CPSF2: variants seen among roughly 807,000 people sequenced by gnomAD.
CPSF2 encodes the protein cleavage and polyadenylation specific factor 2.
A neutral mutation model predicts 84.2 loss-of-function variants in CPSF2; 51 were observed. The ratio of observed to expected loss-of-function variants is 0.61; its 90% confidence interval spans 0.48 to 0.77. CPSF2 has a LOEUF of 0.77. Ranked by LOEUF, CPSF2 falls within the 30% of genes least tolerant of loss-of-function variation. The probability of loss-of-function intolerance (pLI) is 0.00; values close to 1 mark genes in which losing one functional copy is unlikely to be tolerated. For synonymous variants in CPSF2, 286 were observed against 311.9 expected (o/e 0.92, Z 0.87); for missense variants, 641 against 929.4 (o/e 0.69, Z 4.03).
At chr14:92,140,456 TGTA>T (rs1298762545) in intron 7 of CPSF2, among the ~76,000 whole-genome samples, 1 of 140,230 alleles carries the variant, frequency 7.1e-6, no homozygotes, top group Non-Finnish European at 1.5e-5. Flanking sequence ...TTTTTTGAGA[TGTA>T]GTCTCGCTCT....
Position 92,143,135 on chromosome 14 carries a change from T to TG in CPSF2, c.982dup (p.Ala328GlyfsTer5). 6.2e-7 allele frequency: 1 copy of TG among 1,614,168 alleles called. No individual in the cohort carries two copies. Among genetic ancestry groups the TG allele is most frequent in the South Asian group, 1.1e-5 (1 of 91,088 alleles). On this transcript the variant is annotated frameshift_variant, in exon 9 of 16. Coordinates refer to ENST00000298875, the MANE Select transcript of CPSF2 (RefSeq NM_017437.3). LOFTEE classifies it high-confidence loss of function. Reference sequence around the variant, plus strand: ...GTGTACCTAGCCCTAAAGTTGTACTTGCCAGCCAACCTGACCTGGAATGCG... The same window carrying TG: ...GTGTACCTAGCCCTAAAGTTGTACTTGGCCAGCCAACCTGACCTGGAATGCG...
rs2069302945 is a variant in CPSF2, at chr14:92,157,326, G to A, written c.1596-333G>A. On this transcript the variant is annotated intron_variant, in intron 12 of 15. Coordinates refer to ENST00000298875, the MANE Select transcript of CPSF2 (RefSeq NM_017437.3). This position sits in a 1 kb window ranked among gnomAD's most constrained non-coding sequence, Gnocchi z 4.0. ...AGTTTGAGACCAGCCTGGCCAACAT[G>A]GTGAAATCTCATCTCTACTGAAAAT... is the stretch of plus-strand genomic sequence containing the variant. Among the ~76,000 whole-genome samples the A allele has an allele frequency of 6.6e-6, 1 of 152,086 alleles. No homozygotes were observed.
intron 1 of CPSF2, among the ~76,000 whole-genome samples, chr14:92,123,486 C>T (rs923615784): frequency 1.3e-5 from 2 of 152,080 alleles, no homozygotes; most frequent in African/African-American, 2.4e-5. Flanking sequence ...GCAACTTCCG[C>T]CTCCTGGGCT....
At chr14:92,137,057 A>C (rs1041719835) in intron 6 of CPSF2, among the ~76,000 whole-genome samples, 19 of 152,086 alleles carry the variant, frequency 1.2e-4, no homozygotes, top group African/African-American at 4.1e-4. Flanking sequence ...ATTTGCAGCA[A>C]GTTGCCCAAA....
chr14:92,154,221 C>A (rs942195688), intron 9 of CPSF2, 137 bp from the exon 10 acceptor site: 1 of 588,950 alleles, frequency 1.7e-6, no homozygotes, highest in Non-Finnish European at 2.9e-6. Flanking sequence ...GTAATGGAAA[C>A]TTGATTAATT....
rs2069502672 is a variant in CPSF2 at position 92,170,361 on chromosome 14, C to A, written c.*8617C>A. 1 of 152,122 alleles carries A rather than the reference C, an allele frequency of 6.6e-6. No homozygotes were observed. The highest frequency in any genetic ancestry group is 1.5e-5 in the Non-Finnish European group (1 of 68,022). 9.4% of individuals were successfully genotyped at this position (152,122 alleles called of 1,614,324 possible). A position where few individuals can be genotyped will look rare whatever the true frequency, so the allele number is the denominator to read the frequency against. ...TTTTGAACTGTTTGTTACTAAGTTG[C>A]AATTGTGATGTCCCATTAGTACTAA... On this transcript the variant is annotated 3_prime_UTR_variant, in exon 16 of 16. Transcript: ENST00000298875.
In CPSF2 at chr14:92,167,670, G is replaced by A. The variant is rs11160046; in HGVS notation, c.*5926G>A. 77,966 of 152,000 alleles carry A rather than the reference G, an allele frequency of 0.51. 21,558 individuals are homozygous for A. The highest frequency in any genetic ancestry group is 0.98 in the East Asian group (5,066 of 5,156). The allele number at this position is 152,000 out of a possible 1,614,324, so 9.4% of individuals were successfully genotyped here. On this transcript the variant is annotated 3_prime_UTR_variant, in exon 16 of 16. Coordinates refer to ENST00000298875, the MANE Select transcript of CPSF2 (RefSeq NM_017437.3). ...AGAATGGCAGCTGTTATTTAGGACA[G>A]TGGCATGCTGAGAAATAGATTGATT... is the stretch of plus-strand genomic sequence containing the variant.
At chr14:92,161,046 A>G in intron 14 of CPSF2, 66 bp from the exon 15 acceptor site, 1 of 1,470,022 alleles carries the variant, frequency 6.8e-7, no homozygotes, top group South Asian at 1.2e-5. Flanking sequence ...ATTTTACTTT[A>G]TTCAGTACAG....
chr14:92,161,346 A>G, intron 15 of CPSF2, 100 bp downstream of exon 15: 2 of 1,362,644 alleles, frequency 1.5e-6, no homozygotes, highest in Non-Finnish European at 2.0e-6. Flanking sequence ...ACAAAACTGA[A>G]GATCAGTAAT....
intron 9 of CPSF2, among the ~76,000 whole-genome samples, chr14:92,149,729 C>G (rs181599756): frequency 6.6e-6 from 1 of 152,116 alleles, no homozygotes; most frequent in African/African-American, 2.4e-5. Flanking sequence ...GATCTCGGCT[C>G]ACTGCAACCT....
intron 10 of CPSF2, 27 bp from the exon 11 acceptor site, chr14:92,155,096 C>T (rs569799060): frequency 3.6e-5 from 52 of 1,462,582 alleles, no homozygotes; most frequent in Non-Finnish European, 4.7e-5. Flanking sequence ...AACTTTATGA[C>T]CTTGATCTAT....
intron 10 of CPSF2, 137 bp from the exon 11 acceptor site, chr14:92,154,986 T>C (rs2069269908): frequency 1.6e-6 from 1 of 628,942 alleles, no homozygotes; most frequent in Middle Eastern, 4.3e-4. Flanking sequence ...TCTATTGTTG[T>C]TGACCGACAT....
Position 92,154,447 on chromosome 14 carries a change from G to A in CPSF2, c.1230G>A (p.Glu410=), listed in dbSNP as rs1163152730. 1.2e-6 allele frequency: 2 copies of A among 1,603,864 alleles called. No homozygotes were observed. The highest frequency in any genetic ancestry group is 3.4e-5 in the Admixed American group (2 of 58,704). ...AGAAAGAAGCTGCCAAAAAGCTTGA[G>A]CAGTCAAAAGAGTGAGTCATTTTCA... ...KLKKEAAKKL[E]QSKEADIDSS... The change falls in exon 10 of 16, where the codon GAG becomes GAA. Residue 410 remains glutamate, a synonymous_variant. Transcript: ENST00000298875.
chr14:92,137,597 C>A (rs1303198162), intron 6 of CPSF2, among the ~76,000 whole-genome samples: 1 of 152,168 alleles, frequency 6.6e-6, no homozygotes, highest in Non-Finnish European at 1.5e-5. Context: ...GAGGTTAAAT[C>A]TTGCTGGAAA....
chr14:92,126,420 A>G (rs1479635341), intron 2 of CPSF2, among the ~76,000 whole-genome samples: 1 of 152,236 alleles, frequency 6.6e-6, no homozygotes, highest in Non-Finnish European at 1.5e-5. Flanking sequence ...TGGTACAGTA[A>G]GCTTTTTGAC....
rs1250107375 is a variant in CPSF2 at position 92,161,864 on chromosome 14, C to T, written c.*120C>T. ...AAAAAGAATCTGCCAGAAAAACTTA[C>T]ATGTATCAGATTTTTAAAAATATAA... On this transcript the variant is annotated 3_prime_UTR_variant, in exon 16 of 16. Coordinates refer to ENST00000298875, the MANE Select transcript of CPSF2 (RefSeq NM_017437.3). 2.3e-5 allele frequency: 14 copies of T among 601,448 alleles called. No individual in the cohort carries two copies. In the South Asian group the frequency reaches 2.8e-4, roughly 12 times the overall value. The allele number at this position is 601,448 out of a possible 1,614,324, so 37.3% of individuals were successfully genotyped here.
chr14:92,138,163 A>C (rs2069024882), intron 6 of CPSF2, 69 bp from the exon 7 acceptor site: 1 of 715,150 alleles, frequency 1.4e-6, no homozygotes, highest in Non-Finnish European at 2.3e-6. Flanking sequence ...CTTATTTTTT[A>C]AGTAAGAGAA....
At position 92,170,215 on chromosome 14, in the gene CPSF2, T is replaced by G. The variant is rs1215069523; in HGVS notation, c.*8471T>G. 1 of 152,208 alleles carries G rather than the reference T, an allele frequency of 6.6e-6. No individual in the cohort carries two copies. Among genetic ancestry groups the G allele is most frequent in the African/African-American group, 2.4e-5 (1 of 41,438 alleles). 9.4% of individuals were successfully genotyped at this position (152,208 alleles called of 1,614,324 possible). On this transcript the variant is annotated 3_prime_UTR_variant, in exon 16 of 16. Transcript: ENST00000298875. ...ATTTGTTAACTATTTTGAAATAATT[T>G]TAAACTTACAGAAAAGTAGAATAGT...
chr14:92,130,621 T>A (rs148853570), intron 2 of CPSF2, among the ~76,000 whole-genome samples: 254 of 152,334 alleles, frequency 1.7e-3, no homozygotes, highest in Non-Finnish European at 3.3e-3. Flanking sequence ...TGAGGAAAGT[T>A]TAATTAACTT....
Sources: gnomAD v4.1 joint callset for allele counts (sites outside exome capture counted in the v4.1 genomes callset) on GRCh38, gnomAD v4.1.1 for gene constraint, Gnocchi (gnomAD v3.1) non-coding constraint, MANE v1.5 for transcripts, NCBI Gene and HGNC (gene_info 2026-07-23, HGNC 2026-07-21) for gene names.